COL21A1: variants seen among roughly 807,000 people sequenced by gnomAD.
COL21A1 encodes collagen type XXI alpha 1 chain.
In COL21A1, 149 loss-of-function variants were observed where a neutral mutation model predicts 137.9. That is an observed-to-expected ratio of 1.08 (90% confidence interval 0.95 to 1.24). COL21A1 has a LOEUF of 1.24. Among genes scored for constraint, COL21A1 ranks in the 50% most tolerant of loss-of-function variants. COL21A1 has a pLI of 0.00. For missense variants in COL21A1, 1,167 were observed against 1,158.4 expected, an observed-to-expected ratio of 1.01 and a Z score of -0.11; for synonymous variants, 456 against 391.5, an observed-to-expected ratio of 1.16 and a Z score of -1.95.
chr6:56,163,530 GA>G (rs1318579766), intron 9 of COL21A1, among the ~76,000 whole-genome samples: 1 of 152,060 alleles, frequency 6.6e-6, no homozygotes, highest in Non-Finnish European at 1.5e-5. Context: ...CCAACACGGT[GA>G]AACCCCGTCT....
intron 1 of COL21A1, among the ~76,000 whole-genome samples, chr6:56,342,905 C>A (rs1765503776): frequency 1.3e-5 from 2 of 152,170 alleles, no homozygotes; most frequent in Admixed American, 1.3e-4. Context: ...CTAGAACTTT[C>A]CTGGGATTCC....
At chr6:56,127,053 A>G (rs1303091630) in intron 12 of COL21A1, among the ~76,000 whole-genome samples, 1 of 152,200 alleles carries the variant, frequency 6.6e-6, no homozygotes, top group Admixed American at 6.5e-5. Flanking sequence ...TTGAGTTCAA[A>G]TCACCAAACC....
intron 1 of COL21A1, among the ~76,000 whole-genome samples, chr6:56,366,141 A>G (rs1766094261): frequency 6.6e-6 from 1 of 152,194 alleles, no homozygotes; most frequent in Non-Finnish European, 1.5e-5. Flanking sequence ...TAGATTTGAT[A>G]GAGGGAAAGA....
chr6:56,202,103 AT>A (rs1399064043), intron 1 of COL21A1, among the ~76,000 whole-genome samples: 1 of 152,130 alleles, frequency 6.6e-6, no homozygotes, highest in African/African-American at 2.4e-5. Context: ...CAGATGAAAG[AT>A]TAAACTATCT....
chr6:56,230,152 G>A lies in COL21A1; in HGVS notation c.-39+17235C>T, dbSNP rs557697332. Among the ~76,000 whole-genome samples the A allele has an allele frequency of 9.9e-5, 15 of 152,008 alleles. No individual in the cohort carries two copies. The East Asian group carries it at 2.7e-3, about 27-fold the overall frequency. ...GTGGGTCCTGTAAAAAAAATTGAAA[G>A]TCATTTTTCTATAGGAGTCCCAACT... On this transcript the variant is annotated intron_variant, in intron 1 of 29. Transcript: ENST00000244728.
At position 56,233,581 on chromosome 6, in the gene COL21A1, A is replaced by G. The variant is rs376669166; in HGVS notation, c.-39+13806T>C. Among the ~76,000 whole-genome samples, 5 of 151,894 alleles carry G rather than the reference A, an allele frequency of 3.3e-5. No homozygotes were observed. In the East Asian group the frequency reaches 9.7e-4, roughly 29 times the overall value. On this transcript the variant is annotated intron_variant, in intron 1 of 29. Coordinates refer to ENST00000244728, the MANE Select transcript of COL21A1 (RefSeq NM_030820.4). ...CAGATTACAATGCAAAAGAACACAG[A>G]TTTTACAAAATATTTCAGAAGAATA...
chr6:56,123,980 A>T, intron 16 of COL21A1, 82 bp downstream of exon 16: 1 of 1,216,710 alleles, frequency 8.2e-7, no homozygotes, highest in Non-Finnish European at 1.1e-6. Context: ...AAAAAATTTT[A>T]ATATTGGTAC....
At chr6:56,322,764 A>G (rs529210148) in intron 1 of COL21A1, among the ~76,000 whole-genome samples, 1 of 152,172 alleles carries the variant, frequency 6.6e-6, no homozygotes, top group African/African-American at 2.4e-5. Context: ...TGTTGAGGAC[A>G]GGTTTAATCC....
At chr6:56,309,334 G>A (rs372103992) in intron 1 of COL21A1, among the ~76,000 whole-genome samples, 42 of 152,212 alleles carry the variant, frequency 2.8e-4, no homozygotes, top group East Asian at 2.5e-3. Context: ...CACCGTGCCC[G>A]GCCAATAATA....
At chr6:56,320,616 T>C (rs188986268) in intron 1 of COL21A1, among the ~76,000 whole-genome samples, 3 of 152,120 alleles carry the variant, frequency 2.0e-5, no homozygotes, top group African/African-American at 7.2e-5. Context: ...TCTTGCTAAT[T>C]CTCCAACTCA....
chr6:56,178,395 G>A (rs1777647398), intron 3 of COL21A1, among the ~76,000 whole-genome samples: 2 of 152,056 alleles, frequency 1.3e-5, no homozygotes, highest in South Asian at 4.1e-4. Context: ...TTTCATGGAA[G>A]AAGACGTTTA....
In COL21A1 at chr6:56,179,936, A is replaced by G. The variant is rs376571443; in HGVS notation, c.282T>C (p.Tyr94=). The change falls in exon 3 of 30, where the codon TAT becomes TAC. Residue 94 remains tyrosine, a synonymous_variant. Coordinates refer to ENST00000244728, the MANE Select transcript of COL21A1 (RefSeq NM_030820.4). ...YPVLEIPLGS[Y]DSGEHLTAAV... The stretch of plus-strand genomic sequence containing the variant: ...CTGCCGTCAAATGTTCTCCTGAATC[A>G]TAGCTTCCGAGAGGAATCTCCAGCA... 635 of 1,613,826 alleles carry G rather than the reference A, an allele frequency of 3.9e-4. 1 individual carries two copies. Among genetic ancestry groups the G allele is most frequent in the Non-Finnish European group, 4.9e-4 (577 of 1,179,872 alleles).
intron 10 of COL21A1, among the ~76,000 whole-genome samples, chr6:56,150,089 G>T (rs2152248260): frequency 6.6e-6 from 1 of 151,892 alleles, no homozygotes; most frequent in South Asian, 2.1e-4. Context: ...TATTTTTGTG[G>T]TTTCATCAGT....
chr6:56,229,136 T>C (rs1781387803), intron 1 of COL21A1, among the ~76,000 whole-genome samples: 1 of 151,940 alleles, frequency 6.6e-6, no homozygotes, highest in Non-Finnish European at 1.5e-5. Context: ...ATCTCAGCAC[T>C]TTAGAAGGCT....
chr6:56,257,498 C>T (rs1763130592), intron 1 of COL21A1, among the ~76,000 whole-genome samples: 1 of 152,046 alleles, frequency 6.6e-6, no homozygotes, highest in Non-Finnish European at 1.5e-5. Flanking sequence ...AATAGTAACA[C>T]ATTCTTTATA....
chr6:56,172,717 C>T (rs1293913657), intron 3 of COL21A1, among the ~76,000 whole-genome samples: 3 of 151,974 alleles, frequency 2.0e-5, no homozygotes, highest in Non-Finnish European at 4.4e-5. Context: ...AAAACTGTAA[C>T]TTTAAAAATA....
intron 29 of COL21A1, 92 bp from the exon 30 acceptor site, chr6:56,057,936 A>G: frequency 1.1e-6 from 1 of 875,780 alleles, no homozygotes; most frequent in Non-Finnish European, 1.7e-6. Context: ...CTGAAAAAAA[A>G]AACCTTGAAT....
At chr6:56,305,378 C>G (rs1351617605) in intron 1 of COL21A1, among the ~76,000 whole-genome samples, 2 of 152,060 alleles carry the variant, frequency 1.3e-5, no homozygotes, top group South Asian at 2.1e-4. Flanking sequence ...AAGTCTCTTT[C>G]TAGGTCTCTA....
At chr6:56,201,571 C>G (rs1779410046) in intron 1 of COL21A1, among the ~76,000 whole-genome samples, 1 of 152,064 alleles carries the variant, frequency 6.6e-6, no homozygotes, top group Non-Finnish European at 1.5e-5. Context: ...AATCCTTTCC[C>G]CATTTCTTGT....
Sources: gnomAD v4.1 joint callset for allele counts (sites outside exome capture counted in the v4.1 genomes callset) on GRCh38, gnomAD v4.1.1 for gene constraint, MANE v1.5 for transcripts, NCBI Gene and HGNC (gene_info 2026-07-23, HGNC 2026-07-21) for gene names.